RAPGEF3: variants seen among roughly 807,000 people sequenced by gnomAD.
RAPGEF3 encodes the protein 9330170P05Rik.
RAPGEF3 carries 103 observed loss-of-function variants against 129.8 expected under a neutral mutation model. The ratio of observed to expected loss-of-function variants is 0.79; its 90% CI spans 0.68 to 0.93. RAPGEF3 has a LOEUF of 0.93. Among genes scored for constraint, RAPGEF3 ranks in the 40% least tolerant of loss-of-function variants. The pLI, the probability that RAPGEF3 is intolerant of heterozygous loss-of-function variation, is 0.00. For missense variants in RAPGEF3, 1,117 were observed against 1,207.4 expected (o/e 0.93, Z 1.11); for synonymous variants, 436 against 482.6 (o/e 0.90, Z 1.26).
intron 16 of RAPGEF3, chr12:47,746,649 G>A (rs1223320063): frequency 4.2e-6 from 3 of 716,988 alleles, no homozygotes; most frequent in South Asian, 3.0e-5. Context: ...GGGCGAGGAG[G>A]GAGGCCACCT....
chr12:47,747,679 A>G, intron 14 of RAPGEF3, 33 bp downstream of exon 14: 1 of 1,611,864 alleles, frequency 6.2e-7, no homozygotes, highest in South Asian at 1.1e-5. Flanking sequence ...CACCCCGGGC[A>G]GCCCAGCCCC....
At chr12:47,748,667 G>A (rs1480438667) in intron 11 of RAPGEF3, 125 bp from the exon 12 acceptor site, 2 of 1,047,554 alleles carry the variant, frequency 1.9e-6, no homozygotes, top group Non-Finnish European at 2.9e-6. Flanking sequence ...TTAGGGCAGG[G>A]AGGAGACTGG....
At chr12:47,740,237 C>T in intron 22 of RAPGEF3, 46 bp from the exon 23 acceptor site, 1 of 1,612,260 alleles carries the variant, frequency 6.2e-7, no homozygotes, top group Non-Finnish European at 8.5e-7. Context: ...GGAGGCCCAG[C>T]CCCATCCAGC....
Position 47,749,793 on chromosome 12 carries a change from G to A in RAPGEF3, c.842C>T (p.Thr281Ile). The A allele has an allele frequency of 1.2e-6, 2 of 1,614,218 alleles. No individual in the cohort carries two copies. Among genetic ancestry groups the A allele is most frequent in the Middle Eastern group, 1.6e-4 (1 of 6,062 alleles). Residue 281 changes from threonine to isoleucine, a missense_variant, in exon 9 of 28, where the codon ACT (threonine) becomes ATT (isoleucine). By Grantham distance (89) the Thr-to-Ile change is moderately conservative. Around this residue, in one of 3 missense-constraint regions of RAPGEF3, gnomAD observed 367 missense variants for 373.4 expected, o/e 0.98. Coordinates refer to ENST00000449771, the MANE Select transcript of RAPGEF3 (RefSeq NM_001098531.4). The surrounding 1 kb of genome is among the most constrained non-coding windows in gnomAD (Gnocchi z 4.5). ...TCCCTTCCAGATAATGTACCACGAAGTGCCCTTGTCCCCCTGGCTGAACAC... is the reference window on the plus strand; with the variant it reads ...TCCCTTCCAGATAATGTACCACGAAATGCCCTTGTCCCCCTGGCTGAACAC... ...TVLFSQGDKG[T>I]SWYIIWKGSV... is the part of the protein sequence containing the mutation.
At chr12:47,748,589 T>C (rs771093780) in intron 11 of RAPGEF3, 47 bp from the exon 12 acceptor site, 1 of 1,469,416 alleles carries the variant, frequency 6.8e-7, no homozygotes, top group South Asian at 1.1e-5. Flanking sequence ...TACTCCCCAC[T>C]CCCACACCTG....
intron 24 of RAPGEF3, 167 bp downstream of exon 24, chr12:47,738,976 T>G: frequency 2.9e-6 from 2 of 701,022 alleles, no homozygotes; most frequent in African/African-American, 1.8e-5. Flanking sequence ...GAACTCCTAA[T>G]TCATCTCTGC....
Position 47,738,207 on chromosome 12 carries a change from C to T in RAPGEF3, c.2567G>A (p.Arg856Gln), listed in dbSNP as rs770750442. 4.3e-6 allele frequency: 7 copies of T among 1,613,620 alleles called. No individual in the cohort carries two copies. The African/African-American group carries it at 5.3e-5, about 12-fold the overall frequency. Residue 856 changes from arginine to glutamine, a missense_variant, in exon 26 of 28, where the codon CGA becomes CAA. Transcript: ENST00000449771. The stretch of plus-strand genomic sequence containing the variant: ...CGCCCTCTCACCAGGGTTGTGGCTT[C>T]GGCAGTGGTGCAGCATCCGCGCGGC... ...ARAARMLHHC[R>Q]SHNPVPLSPL...
Position 47,751,968 on chromosome 12 carries a change from G to A in RAPGEF3, c.221C>T (p.Thr74Ile). The change falls in exon 3 of 28, where the codon ACA (threonine) becomes ATA (isoleucine). Residue 74 changes from threonine (T) to isoleucine (I), a missense_variant and splice_region_variant. Transcript: ENST00000449771. ...GGACTCCTCGCTGTTGGTGAGTGGT[G>A]TCTGGGGGCAGCAGGGAAAGCGTGC... ...RPSCIQGLRW[T>I]PLTNSEESLD... 3 of 1,614,188 alleles carry A rather than the reference G, an allele frequency of 1.9e-6. No homozygotes were observed. The highest frequency in any genetic ancestry group is 2.5e-6 in the Non-Finnish European group (3 of 1,180,010).
chr12:47,749,159 G>T lies in RAPGEF3; in HGVS notation c.1042-228C>A. 1 of 627,178 alleles carries T rather than the reference G, an allele frequency of 1.6e-6. No homozygotes were observed. The highest frequency in any genetic ancestry group is 1.9e-5 in the South Asian group (1 of 51,822). The allele number at this position is 627,178 out of a possible 1,614,324, so 38.9% of individuals were successfully genotyped here. ...CCCCCTGCATGCCCATCCTTCCCCT[G>T]GTCTCCCACACTGAGCCTGAAGTCA... On this transcript the variant is annotated intron_variant, in intron 10 of 27. Transcript: ENST00000449771. This position sits in a 1 kb window ranked among gnomAD's most constrained non-coding sequence, Gnocchi z 4.5.
chr12:47,749,276 G>A lies in RAPGEF3; in HGVS notation c.1041+114C>T, dbSNP rs1051509967. On this transcript the variant is annotated intron_variant, in intron 10 of 27. Coordinates refer to ENST00000449771, the MANE Select transcript of RAPGEF3 (RefSeq NM_001098531.4). This position sits in a 1 kb window ranked among gnomAD's most constrained non-coding sequence, Gnocchi z 4.5. ...TCCCACTGCCAGCTGTCATAGCCCA[G>A]CATCTCTTACCTGCCCTGCTTCTTA... 39 of 1,324,526 alleles carry A rather than the reference G, an allele frequency of 2.9e-5. No individual in the cohort carries two copies. The South Asian group carries it at 4.6e-4, about 15-fold the overall frequency. 82.0% of individuals were successfully genotyped at this position (1,324,526 alleles called of 1,614,324 possible).
chr12:47,743,507 G>A (rs771846543), intron 18 of RAPGEF3, 23 bp downstream of exon 18: 3 of 1,602,476 alleles, frequency 1.9e-6, no homozygotes, highest in African/African-American at 2.7e-5. Flanking sequence ...CTCCCTTGGG[G>A]TCTATCCAGG....
At chr12:47,757,681 C>T (rs753471731) in intron 2 of RAPGEF3, among the ~76,000 whole-genome samples, 185 bp downstream of exon 2, 1 of 152,168 alleles carries the variant, frequency 6.6e-6, no homozygotes, top group African/African-American at 2.4e-5. Flanking sequence ...GACACACACA[C>T]GTTGCAGCTG....
intron 13 of RAPGEF3, 66 bp downstream of exon 13, chr12:47,748,008 T>C (rs1294866054): frequency 3.2e-6 from 5 of 1,552,252 alleles, no homozygotes; most frequent in Non-Finnish European, 4.4e-6. Flanking sequence ...GCTGGTGAGA[T>C]TTTCTCTCAA....
chr12:47,757,860 A>G lies in RAPGEF3; in HGVS notation c.219+6T>C. On this transcript the variant is annotated splice_donor_region_variant and intron_variant, in intron 2 of 27. Transcript: ENST00000449771. The stretch of plus-strand genomic sequence containing the variant: ...CCTGGCACCTGGGCAGGTGAAAGGT[A>G]CTCACCCAGCGCAGCCCCTGGATGC... The G allele has an allele frequency of 6.4e-7, 1 of 1,551,570 alleles. No individual in the cohort carries two copies. The highest frequency in any genetic ancestry group is 8.7e-7 in the Non-Finnish European group (1 of 1,147,892).
At chr12:47,747,401 A>G in intron 15 of RAPGEF3, 143 bp downstream of exon 15, 1 of 757,480 alleles carries the variant, frequency 1.3e-6, no homozygotes. Flanking sequence ...GGTGAACAGC[A>G]AGGGGACTGA....
intron 23 of RAPGEF3, 57 bp from the exon 24 acceptor site, chr12:47,739,287 C>A: frequency 7.2e-7 from 1 of 1,398,038 alleles, no homozygotes; most frequent in Non-Finnish European, 1.0e-6. Flanking sequence ...CCACAGACCC[C>A]ACCCAACCAA....
At chr12:47,746,922 G>A (rs1941455149) in intron 15 of RAPGEF3, 23 bp from the exon 16 acceptor site, 1 of 1,602,516 alleles carries the variant, frequency 6.2e-7, no homozygotes, top group Non-Finnish European at 8.5e-7. Context: ...GAGAAGGGAG[G>A]TGAGTGAGCC....
chr12:47,752,078 A>C, intron 2 of RAPGEF3, 109 bp from the exon 3 acceptor site: 3 of 1,146,158 alleles, frequency 2.6e-6, no homozygotes, highest in Non-Finnish European at 3.9e-6. Context: ...CCAACCCCAA[A>C]TGCATCCATG....
chr12:47,741,418 T>C, intron 19 of RAPGEF3, 87 bp downstream of exon 19: 2 of 1,313,820 alleles, frequency 1.5e-6, no homozygotes, highest in South Asian at 1.2e-5. Context: ...TCCTCCCTCT[T>C]CTCCCTGGGA....
Sources: allele counts gnomAD v4.1 joint callset (sites outside exome capture counted in the v4.1 genomes callset), GRCh38; gene constraint gnomAD v4.1.1; regional missense constraint gnomAD v4.1.1; non-coding constraint Gnocchi (gnomAD v3.1); transcripts MANE v1.5; gene names NCBI Gene and HGNC (gene_info 2026-07-23, HGNC 2026-07-21).